The following MTRFR variants were observed in gnomAD, a reference collection of about 807,000 sequenced individuals.
MTRFR encodes probable peptide chain release factor C12orf65, mitochondrial.
A neutral mutation model predicts 11.9 loss-of-function variants in MTRFR; 10 were observed. That is an observed-to-expected ratio of 0.84 (90% CI 0.52 to 1.42). The LOEUF (loss-of-function observed/expected upper bound fraction) is 1.42, where lower values mean the gene tolerates loss of function less well. Among genes scored for constraint, MTRFR ranks in the 40% most tolerant of loss-of-function variants. The pLI, the probability that MTRFR is intolerant of heterozygous loss-of-function variation, is 0.00. For missense variants in MTRFR, 196 were observed against 197.9 expected (o/e 0.99, Z 0.06); for synonymous variants, 77 against 79.1 (o/e 0.97, Z 0.14).
intron 1 of MTRFR, among the ~76,000 whole-genome samples, chr12:123,247,538 T>C (rs1285068776): frequency 6.6e-6 from 1 of 152,204 alleles, no homozygotes; most frequent in Non-Finnish European, 1.5e-5. Flanking sequence ...TGAGTCTTTA[T>C]GTGTTAGGTG....
At chr12:123,246,143 C>T (rs1021566449) in intron 1 of MTRFR, among the ~76,000 whole-genome samples, 3 of 152,020 alleles carry the variant, frequency 2.0e-5, no homozygotes, top group Non-Finnish European at 4.4e-5. Context: ...CTGCAACCTC[C>T]GCCTCCCAGG....
intron 1 of MTRFR, among the ~76,000 whole-genome samples, chr12:123,240,181 C>T (rs1419236531): frequency 3.5e-5 from 5 of 143,380 alleles, no homozygotes; most frequent in Admixed American, 2.2e-4. Flanking sequence ...CTGACCAACA[C>T]GGTGAAACCC....
intron 1 of MTRFR, among the ~76,000 whole-genome samples, chr12:123,238,490 G>C (rs895609600): frequency 2.8e-4 from 43 of 152,250 alleles, no homozygotes; most frequent in African/African-American, 1.0e-3. Context: ...TAAGAAACAT[G>C]CTGGGCATGG....
intron 1 of MTRFR, among the ~76,000 whole-genome samples, chr12:123,245,720 G>A (rs539156490): frequency 6.6e-6 from 1 of 152,290 alleles, no homozygotes; most frequent in African/African-American, 2.4e-5. Context: ...CGCTGTTGGT[G>A]TATAGAAAAG....
At chr12:123,236,806 G>A (rs2047857836) in intron 1 of MTRFR, among the ~76,000 whole-genome samples, 1 of 151,958 alleles carries the variant, frequency 6.6e-6, no homozygotes, top group Non-Finnish European at 1.5e-5. Context: ...AACAAATATG[G>A]GGCCGGGCGC....
Position 123,257,473 on chromosome 12 carries a change from G to A in MTRFR, c.*442G>A, listed in dbSNP as rs995496894. The A allele has an allele frequency of 3.2e-5, 6 of 186,190 alleles. No homozygotes were observed. Among genetic ancestry groups the A allele is most frequent in the South Asian group, 2.1e-4 (2 of 9,526 alleles). 11.5% of individuals were successfully genotyped at this position (186,190 alleles called of 1,614,324 possible). On this transcript the variant is annotated 3_prime_UTR_variant, in exon 3 of 3. Transcript: ENST00000253233. ...GGAGGTTGCAGTGAGCTGAGATCGCGCCACTGCACTCAAGCCTGGGCAACA... is the reference window on the plus strand; with the variant it reads ...GGAGGTTGCAGTGAGCTGAGATCGCACCACTGCACTCAAGCCTGGGCAACA...
intron 1 of MTRFR, among the ~76,000 whole-genome samples, chr12:123,242,061 G>A (rs569443502): frequency 6.6e-6 from 1 of 152,206 alleles, no homozygotes; most frequent in South Asian, 2.1e-4. Context: ...TAGGCTCTCT[G>A]AAGCCCATGC....
intron 1 of MTRFR, among the ~76,000 whole-genome samples, chr12:123,246,827 T>C (rs1030475151): frequency 1.1e-4 from 16 of 141,008 alleles, no homozygotes; most frequent in African/African-American, 3.7e-4. Context: ...ACCTCCCGGG[T>C]TCACGCCATT....
At chr12:123,253,984 G>A (rs1213526731) in intron 2 of MTRFR, 28 bp downstream of exon 2, 1 of 1,612,860 alleles carries the variant, frequency 6.2e-7, no homozygotes, top group African/African-American at 1.3e-5. Flanking sequence ...GCTGAGGGGA[G>A]AGGCCCCGCC....
chr12:123,245,667 A>G (rs1046976250), intron 1 of MTRFR, among the ~76,000 whole-genome samples: 15 of 152,008 alleles, frequency 9.9e-5, no homozygotes, highest in African/African-American at 3.4e-4. Context: ...TTTTGCAGCT[A>G]TTGTAAAGGG....
rs1466985152 is a variant in MTRFR at position 123,257,154 on chromosome 12, GACA to G, written c.*128_*130del. On this transcript the variant is annotated 3_prime_UTR_variant, in exon 3 of 3. Transcript: ENST00000253233. The stretch of plus-strand genomic sequence containing the variant: ...AGAAATATTTTTGATGAACTTAAAA[GACA>G]ACAAATTTATTTAAATGGTGCACTA... 1 of 816,816 alleles carries G rather than the reference GACA, an allele frequency of 1.2e-6. No individual in the cohort carries two copies. 50.6% of individuals were successfully genotyped at this position (816,816 alleles called of 1,614,324 possible). A position where few individuals can be genotyped will look rare whatever the true frequency, so the allele number is the denominator to read the frequency against.
In MTRFR at chr12:123,257,049, C is replaced by G; in HGVS notation, c.*18C>G. ...TCCACTGAGAAAAGAATTAGAGATT[C>G]CAACTGACAGAATCTGCCAGAAGCT... On this transcript the variant is annotated 3_prime_UTR_variant, in exon 3 of 3. Transcript: ENST00000253233. 6.3e-7 allele frequency: 1 copy of G among 1,588,550 alleles called. No homozygotes were observed. Among genetic ancestry groups the G allele is most frequent in the Non-Finnish European group, 8.6e-7 (1 of 1,158,824 alleles).
In MTRFR at chr12:123,256,906, C is replaced by T; in HGVS notation, c.376C>T (p.Pro126Ser). 1 of 1,613,608 alleles carries T rather than the reference C, an allele frequency of 6.2e-7. No individual in the cohort carries two copies. The highest frequency in any genetic ancestry group is 8.5e-7 in the Non-Finnish European group (1 of 1,179,776). Residue 126 changes from proline (P) to serine (S), a missense_variant, in exon 3 of 3, where the codon CCT (proline) becomes TCT (serine). By Grantham distance (74) the Pro-to-Ser change is moderately conservative. Coordinates refer to ENST00000253233, the MANE Select transcript of MTRFR (RefSeq NM_152269.5). ...TGTTTTCTACAATGGTGAAAACAGT[C>T]CTGTTCACAAAGAAAAACGAGAAGC... is the stretch of plus-strand genomic sequence containing the variant. ...VDVFYNGENS[P>S]VHKEKREAAK...
intron 1 of MTRFR, among the ~76,000 whole-genome samples, chr12:123,241,138 GTT>G (rs2047929171): frequency 6.3e-5 from 7 of 111,724 alleles, no homozygotes; most frequent in Non-Finnish European, 1.3e-4. Context: ...TTTATTTGGG[GTT>G]GTTTTTTTTT....
chr12:123,256,791 T>C, intron 2 of MTRFR, 22 bp from the exon 3 acceptor site: 3 of 1,585,328 alleles, frequency 1.9e-6, no homozygotes, highest in South Asian at 2.2e-5. Flanking sequence ...GTTTTCACAT[T>C]ATAAAATATT....
At chr12:123,233,019 G>A (rs1036400307), upstream of MTRFR, 1 of 152,310 alleles carries the variant, frequency 6.6e-6, no homozygotes, top group African/African-American at 2.4e-5. Flanking sequence ...TGTCTCCTAA[G>A]TCTCGTCTCC....
intron 1 of MTRFR, among the ~76,000 whole-genome samples, chr12:123,246,805 A>G (rs545156686): frequency 2.4e-5 from 3 of 126,026 alleles, no homozygotes; most frequent in African/African-American, 9.3e-5. Context: ...ATCTTGGCTC[A>G]CTGCAAGCTC....
At chr12:123,253,469 C>G (rs2048140780) in intron 1 of MTRFR, 178 bp from the exon 2 acceptor site, 4 of 629,774 alleles carry the variant, frequency 6.4e-6, no homozygotes, top group Non-Finnish European at 2.8e-6. Context: ...GCAGACAGTG[C>G]AAGGCTGAGG....
At chr12:123,240,887 T>C (rs2047924435) in intron 1 of MTRFR, among the ~76,000 whole-genome samples, 1 of 151,936 alleles carries the variant, frequency 6.6e-6, no homozygotes, top group East Asian at 1.9e-4. Flanking sequence ...TAATTTTTTG[T>C]ATTTTTAGTA....
Sources: gnomAD v4.1 joint callset for allele counts (sites outside exome capture counted in the v4.1 genomes callset) on GRCh38, gnomAD v4.1.1 for gene constraint, MANE v1.5 for transcripts, NCBI Gene and HGNC (gene_info 2026-07-23, HGNC 2026-07-21) for gene names.